Variants in ACAA2 observed in about 807,000 individuals in gnomAD.
The protein encoded by ACAA2 is 3-ketoacyl-CoA thiolase, mitochondrial.
Under a neutral mutation model 44.8 loss-of-function variants are expected in ACAA2, and 35 were observed. The ratio of observed to expected loss-of-function variants is 0.78; its 90% confidence interval spans 0.60 to 1.04. The LOEUF (loss-of-function observed/expected upper bound fraction) is 1.04. ACAA2 is among the 50% of genes least tolerant of loss of function. The pLI is 0.00. For synonymous variants in ACAA2, 142 were observed against 166.5 expected, an observed-to-expected ratio of 0.85 and a Z score of 1.13; for missense variants, 468 against 482.6, an observed-to-expected ratio of 0.97 and a Z score of 0.28.
chr18:49,788,452 T>C (rs189902906), intron 7 of ACAA2, among the ~76,000 whole-genome samples: 4 of 152,364 alleles, frequency 2.6e-5, no homozygotes, highest in East Asian at 1.9e-4. Flanking sequence ...CACGTGCTTA[T>C]TGATTAGGAC....
chr18:49,799,667 T>C (rs1338917051), intron 2 of ACAA2, among the ~76,000 whole-genome samples: 3 of 146,360 alleles, frequency 2.0e-5, no homozygotes, highest in Non-Finnish European at 3.0e-5. Flanking sequence ...CGTCTCTGCC[T>C]GGCCACCCAT....
At chr18:49,804,017 T>C (rs1343219650) in intron 1 of ACAA2, among the ~76,000 whole-genome samples, 6 of 151,818 alleles carry the variant, frequency 4.0e-5, no homozygotes, top group Non-Finnish European at 5.9e-5. Flanking sequence ...TTCAAGTGAT[T>C]CTCCTGCCTC....
At chr18:49,784,186 G>A (rs931960729) in intron 9 of ACAA2, among the ~76,000 whole-genome samples, 1 of 152,104 alleles carries the variant, frequency 6.6e-6, no homozygotes, top group Admixed American at 6.5e-5. Flanking sequence ...GGAGATGAGT[G>A]GATTTAGGGT....
intron 1 of ACAA2, among the ~76,000 whole-genome samples, chr18:49,806,090 G>C (rs1166528351): frequency 6.6e-6 from 1 of 152,180 alleles, no homozygotes. Flanking sequence ...GACAGGTAAG[G>C]AGAAGAGTTG....
rs750176890 is a variant in ACAA2 at position 49,794,326 on chromosome 18, T to C, written c.531A>G (p.Glu177=). The C allele has an allele frequency of 6.2e-7, 1 of 1,610,614 alleles. No homozygotes were observed. The highest frequency in any genetic ancestry group is 2.2e-5 in the East Asian group (1 of 44,806). Residue 177 remains glutamate (E), a synonymous_variant, in exon 5 of 10, where the codon GAA becomes GAG. Transcript: ENST00000285093. ...ACTGCAGGGCATATTTGTCACATTC[T>C]TCTCTGCTTATTTTGTGTTTTACAG... ...NLAVKHKISR[E]ECDKYALQSQ... is the part of the protein sequence containing the mutation.
At chr18:49,796,159 T>G (rs1027827171) in intron 3 of ACAA2, among the ~76,000 whole-genome samples, 1 of 152,174 alleles carries the variant, frequency 6.6e-6, no homozygotes, top group Non-Finnish European at 1.5e-5. Flanking sequence ...TAACACAATA[T>G]AAATCTTGAA....
intron 2 of ACAA2, among the ~76,000 whole-genome samples, chr18:49,800,204 G>T (rs541966023): frequency 2.3e-5 from 3 of 130,156 alleles, no homozygotes; most frequent in Non-Finnish European, 4.9e-5. Context: ...CCGGCCAGCC[G>T]CCCCGTCCGG....
At chr18:49,803,237 TAA>T (rs1413062905) in intron 1 of ACAA2, among the ~76,000 whole-genome samples, 1 of 61,602 alleles carries the variant, frequency 1.6e-5, no homozygotes, top group Non-Finnish European at 3.2e-5. Context: ...CCCTGGTAGT[TAA>T]AATAATAATA....
At position 49,799,973 on chromosome 18, in the gene ACAA2, G is replaced by A. The variant is rs369434526; in HGVS notation, c.184-2379C>T. ...CCCCGTCTAAGTGAGGAGCCCCTCC[G>A]CCCGGCAGCCACCCCATCTGAGAAG... On this transcript the variant is annotated intron_variant, in intron 2 of 9. Transcript: ENST00000285093. Among the ~76,000 whole-genome samples the A allele has an allele frequency of 9.3e-3, 1,397 of 150,530 alleles. 36 individuals are homozygous for A. The South Asian group carries it at 0.12, about 13-fold the overall frequency.
At chr18:49,799,164 G>A (rs2023498689) in intron 2 of ACAA2, among the ~76,000 whole-genome samples, 1 of 152,106 alleles carries the variant, frequency 6.6e-6, no homozygotes, top group Non-Finnish European at 1.5e-5. Flanking sequence ...AGGAACAGAT[G>A]GCAACTTTCT....
rs531271159 is a variant in ACAA2 at position 49,797,518 on chromosome 18, G to A, written c.260C>T (p.Thr87Met). Residue 87 changes from threonine to methionine, a missense_variant, in exon 3 of 10, where the codon ACG becomes ATG. By Grantham distance (81) the Thr-to-Met change is moderately conservative. Transcript: ENST00000285093. ...VGIPKETPAL[T>M]INRLCGSGFQ... is the part of the protein sequence containing the mutation. ...ACCAGAACCACAGAGCCTATTAATC[G>A]TGAGAGCTGGGGTCTCCTTTGGGAT... The A allele has an allele frequency of 6.7e-5, 108 of 1,611,966 alleles. No individual in the cohort carries two copies. Among genetic ancestry groups the A allele is most frequent in the Middle Eastern group, 2.1e-4 (1 of 4,848 alleles).
At chr18:49,790,559 T>C (rs2023386279) in intron 7 of ACAA2, among the ~76,000 whole-genome samples, 1 of 152,108 alleles carries the variant, frequency 6.6e-6, no homozygotes, top group Non-Finnish European at 1.5e-5. Flanking sequence ...TTCCTTACAG[T>C]GGGAGGTTAT....
In ACAA2 at chr18:49,802,772, G is replaced by C; in HGVS notation, c.98C>G (p.Ser33Cys). The C allele has an allele frequency of 6.2e-7, 1 of 1,614,160 alleles. No homozygotes were observed. Among genetic ancestry groups the C allele is most frequent in the East Asian group, 2.2e-5 (1 of 44,874 alleles). Residue 33 changes from serine to cysteine, a missense_variant, in exon 2 of 10, where the codon TCT becomes TGT. Ser to Cys is a moderately radical substitution (Grantham distance 112). Coordinates refer to ENST00000285093, the MANE Select transcript of ACAA2 (RefSeq NM_006111.3). ...LLKDFTATDL[S>C]EFAAKAALSA... Reference sequence around the variant, plus strand: ...CAAGGCAGCCTTGGCAGCAAATTCAGACAAGTCAGTAGCAGTGAAGTCTTT... The same window carrying C: ...CAAGGCAGCCTTGGCAGCAAATTCACACAAGTCAGTAGCAGTGAAGTCTTT...
chr18:49,807,207 C>A (rs1403432627), intron 1 of ACAA2, among the ~76,000 whole-genome samples: 1 of 151,874 alleles, frequency 6.6e-6, no homozygotes, highest in Non-Finnish European at 1.5e-5. Context: ...CCAGCCTAGG[C>A]AACATAGCGA....
At position 49,784,044 on chromosome 18, in the gene ACAA2, T is replaced by C. The variant is rs2023297599; in HGVS notation, c.1110-113A>G. On this transcript the variant is annotated intron_variant, in intron 9 of 9. Transcript: ENST00000285093. ...ATCCTTATTCAGCTCATCTGCTCAA[T>C]CTTTTCCCCAGTCCTCAATTTTGGT... 5 of 837,026 alleles carry C rather than the reference T, an allele frequency of 6.0e-6. No homozygotes were observed. In the East Asian group the frequency reaches 1.4e-4, roughly 23 times the overall value. 51.8% of individuals were successfully genotyped at this position (837,026 alleles called of 1,614,324 possible). A position where few individuals can be genotyped will look rare whatever the true frequency, so the allele number is the denominator to read the frequency against.
chr18:49,795,815 A>T lies in ACAA2; in HGVS notation c.379T>A (p.Tyr127Asn), dbSNP rs1292773722. The T allele has an allele frequency of 2.5e-6, 4 of 1,612,288 alleles. No individual in the cohort carries two copies. The South Asian group carries it at 4.4e-5, about 18-fold the overall frequency. Reference sequence around the variant, plus strand: ...CCAAAACGCACATTTCTGACACAGTAGGGAGCTTGGCTCATGCTTTCGGTT... The same window carrying T: ...CCAAAACGCACATTTCTGACACAGTTGGGAGCTTGGCTCATGCTTTCGGTT... ...GGTESMSQAPYCVRNVRFGTK... is the reference protein window; with the variant it reads ...GGTESMSQAPNCVRNVRFGTK... Residue 127 changes from tyrosine to asparagine, a missense_variant, in exon 4 of 10, where the codon TAC becomes AAC. Tyr to Asn is a moderately radical substitution (Grantham distance 143). Coordinates refer to ENST00000285093, the MANE Select transcript of ACAA2 (RefSeq NM_006111.3).
At chr18:49,790,027 G>A (rs1467194515) in intron 7 of ACAA2, among the ~76,000 whole-genome samples, 2 of 152,076 alleles carry the variant, frequency 1.3e-5, no homozygotes, top group Non-Finnish European at 2.9e-5. Flanking sequence ...AGGGTGTGGG[G>A]GTTATGAGTG....
intron 1 of ACAA2, 112 bp downstream of exon 1, chr18:49,813,357 G>C (rs1261594003): frequency 3.6e-6 from 3 of 841,210 alleles, no homozygotes; most frequent in Non-Finnish European, 4.8e-6. Flanking sequence ...CGAGGAGGTT[G>C]AGTGAACTTC....
At chr18:49,795,998 C>T in intron 3 of ACAA2, 117 bp from the exon 4 acceptor site, 2 of 633,074 alleles carry the variant, frequency 3.2e-6, no homozygotes, top group South Asian at 4.6e-5. Context: ...CTGTAGCTTA[C>T]AGTGTCTCAA....
Sources: gnomAD v4.1 joint callset for allele counts (sites outside exome capture counted in the v4.1 genomes callset) on GRCh38, gnomAD v4.1.1 for gene constraint, MANE v1.5 for transcripts, NCBI Gene and HGNC (gene_info 2026-07-23, HGNC 2026-07-21) for gene names.